Variants in MECOM observed in about 807,000 individuals in gnomAD.
The protein encoded by MECOM is histone-lysine N-methyltransferase MECOM.
Under a neutral mutation model 116.3 loss-of-function variants are expected in MECOM, and 13 were observed. That is an observed-to-expected ratio of 0.11 (90% CI 0.07 to 0.18). MECOM has a LOEUF of 0.18. MECOM is among the 10% of genes least tolerant of loss of function. The pLI is 1.00. For synonymous variants in MECOM, 528 were observed against 535.2 expected, an observed-to-expected ratio of 0.99 and a Z score of 0.19; for missense variants, 1,299 against 1,509.0, an observed-to-expected ratio of 0.86 and a Z score of 2.31.
chr3:169,549,992 G>C (rs1761185604), intron 1 of MECOM, among the ~76,000 whole-genome samples: 1 of 152,154 alleles, frequency 6.6e-6, no homozygotes. Context: ...ATCAGGAAAG[G>C]TGAGAAATCT....
At chr3:169,637,692 T>C (rs1772987654) in intron 1 of MECOM, among the ~76,000 whole-genome samples, 2 of 152,242 alleles carry the variant, frequency 1.3e-5, no homozygotes, top group South Asian at 4.1e-4. Context: ...ACAAATTCAT[T>C]ATATGTGATC....
intron 2 of MECOM, among the ~76,000 whole-genome samples, chr3:169,323,809 C>A (rs560769957): frequency 1.4e-3 from 217 of 152,250 alleles, no homozygotes; most frequent in African/African-American, 4.4e-3. Flanking sequence ...GCCAAATAAT[C>A]AGAGTATGTT....
chr3:169,323,237 T>C (rs977385094), intron 2 of MECOM, among the ~76,000 whole-genome samples: 1 of 152,156 alleles, frequency 6.6e-6, no homozygotes, highest in African/African-American at 2.4e-5. Flanking sequence ...GGAACCAGCT[T>C]GAGGAGGTCA....
Position 169,118,240 on chromosome 3 carries a change from A to C in MECOM, c.1133-1501T>G, listed in dbSNP as rs1215016824. Among the ~76,000 whole-genome samples, 3 of 152,214 alleles carry C rather than the reference A, an allele frequency of 2.0e-5. No individual in the cohort carries two copies. In the East Asian group the frequency reaches 5.8e-4, roughly 29 times the overall value. ...CTCTTTCTTTTACTACTAAAGGTTA[A>C]AGTGTATTGTTGCATATATCAAAGT... On this transcript the variant is annotated intron_variant, in intron 7 of 16. Coordinates refer to ENST00000651503, the MANE Select transcript of MECOM (RefSeq NM_004991.4).
chr3:169,583,606 A>C (rs1328498194), intron 1 of MECOM, among the ~76,000 whole-genome samples: 1 of 152,156 alleles, frequency 6.6e-6, no homozygotes, highest in Admixed American at 6.5e-5. Flanking sequence ...CTAAGGATTA[A>C]TGTTCATAAT....
intron 1 of MECOM, among the ~76,000 whole-genome samples, chr3:169,395,121 G>T (rs1734829228): frequency 6.6e-6 from 1 of 152,150 alleles, no homozygotes; most frequent in Admixed American, 6.5e-5. Flanking sequence ...AAAAGATCAT[G>T]CACACTCCAA....
chr3:169,193,837 T>C (rs968861999), intron 2 of MECOM, among the ~76,000 whole-genome samples: 10 of 151,996 alleles, frequency 6.6e-5, no homozygotes, highest in South Asian at 2.1e-4. Context: ...AGGGTTATAG[T>C]TAAGTGTTAC....
At chr3:169,553,786 A>C (rs1761689332) in intron 1 of MECOM, among the ~76,000 whole-genome samples, 1 of 152,152 alleles carries the variant, frequency 6.6e-6, no homozygotes, top group Admixed American at 6.5e-5. Context: ...CTCTGTGTGT[A>C]CACACATCTC....
At chr3:169,528,907 T>A (rs1274339865) in intron 1 of MECOM, among the ~76,000 whole-genome samples, 1 of 152,222 alleles carries the variant, frequency 6.6e-6, no homozygotes. Context: ...ACATTCGTTG[T>A]TGGAACTTGA....
chr3:169,389,937 C>CAGGA (rs1251550915), intron 1 of MECOM, among the ~76,000 whole-genome samples: 2 of 152,150 alleles, frequency 1.3e-5, no homozygotes, highest in Non-Finnish European at 2.9e-5. Context: ...GGAAGTATAT[C>CAGGA]AGCATCAGGA....
intron 16 of MECOM, among the ~76,000 whole-genome samples, chr3:169,086,968 A>G (rs1392127707): frequency 6.6e-6 from 1 of 152,206 alleles, no homozygotes; most frequent in Non-Finnish European, 1.5e-5. Context: ...GTAGTTAATA[A>G]ATGAACGAAT....
At chr3:169,501,421 T>C (rs1578277628) in intron 1 of MECOM, among the ~76,000 whole-genome samples, 1 of 152,160 alleles carries the variant, frequency 6.6e-6, no homozygotes, top group East Asian at 1.9e-4. Flanking sequence ...CAAGATATAA[T>C]GATGTTCTAC....
intron 1 of MECOM, among the ~76,000 whole-genome samples, chr3:169,409,556 T>G (rs1737225974): frequency 6.6e-6 from 1 of 152,222 alleles, no homozygotes; most frequent in Admixed American, 6.5e-5. Flanking sequence ...CCATCTATAT[T>G]TCAAGATTCT....
intron 2 of MECOM, among the ~76,000 whole-genome samples, chr3:169,328,500 C>G (rs1338022065): frequency 6.6e-6 from 1 of 152,118 alleles, no homozygotes; most frequent in Non-Finnish European, 1.5e-5. Context: ...TTATTCTGCA[C>G]CATGTGAGTG....
At chr3:169,133,213 G>T (rs1735332025) in intron 3 of MECOM, 1 of 151,916 alleles carries the variant, frequency 6.6e-6, no homozygotes, top group Non-Finnish European at 1.5e-5. Context: ...GTTAACTATG[G>T]TTTTTTGCAA....
At chr3:169,173,582 C>G (rs1260166178) in intron 2 of MECOM, among the ~76,000 whole-genome samples, 2 of 152,178 alleles carry the variant, frequency 1.3e-5, no homozygotes, top group Non-Finnish European at 2.9e-5. Context: ...GATCCCAAAT[C>G]CAGCCAATCC....
At chr3:169,555,562 G>A (rs537867570) in intron 1 of MECOM, among the ~76,000 whole-genome samples, 1 of 152,292 alleles carries the variant, frequency 6.6e-6, no homozygotes, top group African/African-American at 2.4e-5. Flanking sequence ...TGCACTGTAG[G>A]CCTAAAACCA....
chr3:169,155,879 T>C (rs542808555), intron 2 of MECOM, among the ~76,000 whole-genome samples: 1 of 152,298 alleles, frequency 6.6e-6, no homozygotes, highest in South Asian at 2.1e-4. Context: ...ATAGATCAAG[T>C]AGGCAAAGTG....
At chr3:169,355,004 G>A (rs920426059) in intron 2 of MECOM, among the ~76,000 whole-genome samples, 6 of 151,834 alleles carry the variant, frequency 4.0e-5, no homozygotes, top group East Asian at 1.9e-4. Context: ...ACAGAAAAGG[G>A]CCTGAAATGA....
Sources: allele counts gnomAD v4.1 joint callset (sites outside exome capture counted in the v4.1 genomes callset), GRCh38; gene constraint gnomAD v4.1.1; transcripts MANE v1.5; gene names NCBI Gene and HGNC (gene_info 2026-07-23, HGNC 2026-07-21).